Variants in SLCO3A1 observed in about 807,000 individuals in gnomAD.
The protein encoded by SLCO3A1 is PGE1 transporter.
A neutral mutation model predicts 63.1 loss-of-function variants in SLCO3A1; 27 were observed. That is an observed-to-expected ratio of 0.43 (90% CI 0.32 to 0.59). The LOEUF is 0.59. Among genes scored for constraint, SLCO3A1 ranks in the 20% least tolerant of loss-of-function variants. The probability of loss-of-function intolerance (pLI) is 0.09; values close to 1 mark genes in which losing one functional copy is unlikely to be tolerated. For synonymous variants in SLCO3A1, 473 were observed against 409.9 expected, an observed-to-expected ratio of 1.15 and a Z score of -1.86; for missense variants, 773 against 945.8, an observed-to-expected ratio of 0.82 and a Z score of 2.40.
At chr15:92,074,785 G>C (rs549915991) in intron 2 of SLCO3A1, among the ~76,000 whole-genome samples, 3 of 151,624 alleles carry the variant, frequency 2.0e-5, no homozygotes, top group East Asian at 1.9e-4. Flanking sequence ...GGGCGGTGGG[G>C]GGTGGCCAGG....
At chr15:92,166,097 A>T (rs573223962), downstream of SLCO3A1, among the ~76,000 whole-genome samples, 9 of 152,220 alleles carry the variant, frequency 5.9e-5, no homozygotes, top group African/African-American at 2.2e-4. Context: ...ATTCCCTCCT[A>T]TGAAGTAAGC....
At chr15:92,166,965 T>C (rs1272668710), downstream of SLCO3A1, among the ~76,000 whole-genome samples, 1 of 152,164 alleles carries the variant, frequency 6.6e-6, no homozygotes. Flanking sequence ...TACTCAGCAG[T>C]GGCAAGCTAT....
chr15:92,171,607 G>A lies in SLCO3A1; in HGVS notation c.1997-173G>A, dbSNP rs1417085346. On this transcript the variant is annotated intron_variant, in intron 10 of 10. Coordinates refer to the SLCO3A1 transcript ENST00000424469. ...AAAAAAGTCTCTGGGCTCAGAGTCT[G>A]GTCCCTTGGGGTTACATGGAATGAA... The A allele has an allele frequency of 5.2e-6, 3 of 575,964 alleles. No individual in the cohort carries two copies. The Admixed American group carries it at 9.0e-5, about 17-fold the overall frequency. The allele number at this position is 575,964 out of a possible 1,614,324, so 35.7% of individuals were successfully genotyped here. A position where few individuals can be genotyped will look rare whatever the true frequency, so the allele number is the denominator to read the frequency against.
intron 2 of SLCO3A1, among the ~76,000 whole-genome samples, chr15:91,940,846 G>C (rs1899595733): frequency 6.6e-6 from 1 of 152,152 alleles, no homozygotes; most frequent in African/African-American, 2.4e-5. Flanking sequence ...CTGCCTCTCT[G>C]AGCAAGGTGT....
At chr15:91,877,138 T>C (rs751608717) in intron 1 of SLCO3A1, among the ~76,000 whole-genome samples, 5 of 152,236 alleles carry the variant, frequency 3.3e-5, no homozygotes, top group Non-Finnish European at 7.3e-5. Context: ...ATCTGAGGCA[T>C]TAAATTGAAT....
chr15:92,099,922 C>T (rs192820856), intron 3 of SLCO3A1, among the ~76,000 whole-genome samples: 57 of 151,978 alleles, frequency 3.8e-4, no homozygotes, highest in Admixed American at 2.0e-3. Flanking sequence ...AAAAATTAGC[C>T]GGGCGTGTTG....
intron 2 of SLCO3A1, among the ~76,000 whole-genome samples, chr15:91,927,162 C>T (rs1452920528): frequency 6.6e-6 from 1 of 152,110 alleles, no homozygotes; most frequent in Non-Finnish European, 1.5e-5. Context: ...CCCCTCGGCC[C>T]TCCACTCCCC....
chr15:91,988,703 T>G (rs2046087050), intron 2 of SLCO3A1, among the ~76,000 whole-genome samples: 1 of 152,160 alleles, frequency 6.6e-6, no homozygotes, highest in African/African-American at 2.4e-5. Context: ...CCTGAAAATT[T>G]GCAGTCCTAA....
intron 1 of SLCO3A1, among the ~76,000 whole-genome samples, chr15:91,857,468 G>T (rs4129510): frequency 0.062 from 9,509 of 152,208 alleles, 970 homozygotes; most frequent in African/African-American, 0.21. Flanking sequence ...AAGAGGAGAG[G>T]CCTGCTCGGT....
chr15:92,014,570 A>C (rs1321786114), intron 2 of SLCO3A1, among the ~76,000 whole-genome samples: 1 of 152,140 alleles, frequency 6.6e-6, no homozygotes, highest in Non-Finnish European at 1.5e-5. Flanking sequence ...CAGTGGGAAA[A>C]TGGAAACCTG....
rs182306356 is a variant in SLCO3A1, at chr15:92,121,385, A to G, written c.1174+756A>G. On this transcript the variant is annotated intron_variant, in intron 5 of 9. Coordinates refer to ENST00000318445, the MANE Select transcript of SLCO3A1 (RefSeq NM_013272.4). ...GCAACAGACATAGCAGTCAAACAAGAGGGAAGAATCAACAATGGCTCTCAG... is the reference window on the plus strand; with the variant it reads ...GCAACAGACATAGCAGTCAAACAAGGGGGAAGAATCAACAATGGCTCTCAG... 8.9e-4 allele frequency among the ~76,000 whole-genome samples: 136 copies of G among 152,330 alleles called. 1 individual carries two copies. The highest frequency in any genetic ancestry group is 3.0e-3 in the African/African-American group (123 of 41,574).
Position 91,931,473 on chromosome 15 carries a change from C to CTT in SLCO3A1, c.646+15029_646+15030dup, listed in dbSNP as rs36006689. On this transcript the variant is annotated intron_variant, in intron 2 of 9. Transcript: ENST00000318445. ...CCCTGCTTCTTCTGCTGGGTTGTAT[C>CTT]TTTTTTTTTTTTTTTGAGACAGAGT... 1.0e-3 allele frequency among the ~76,000 whole-genome samples: 145 copies of CTT among 142,758 alleles called. 1 individual carries two copies. Among genetic ancestry groups the CTT allele is most frequent in the African/African-American group, 3.6e-3 (142 of 39,038 alleles). The allele number at this position is 142,758 out of a possible 152,430, so 93.7% of individuals were successfully genotyped here.
At chr15:92,111,681 C>T (rs1445232633) in intron 4 of SLCO3A1, among the ~76,000 whole-genome samples, 1 of 152,190 alleles carries the variant, frequency 6.6e-6, no homozygotes, top group Non-Finnish European at 1.5e-5. Flanking sequence ...AGCTGCACTT[C>T]TCAAGTTATT....
At chr15:91,977,890 G>A (rs991999166) in intron 2 of SLCO3A1, among the ~76,000 whole-genome samples, 4 of 152,116 alleles carry the variant, frequency 2.6e-5, no homozygotes, top group Admixed American at 1.3e-4. Context: ...ATCCTCCCAG[G>A]AAACTCTGAA....
intron 2 of SLCO3A1, among the ~76,000 whole-genome samples, chr15:91,989,645 T>C (rs1451549168): frequency 6.6e-6 from 1 of 152,240 alleles, no homozygotes; most frequent in Non-Finnish European, 1.5e-5. Flanking sequence ...CTCGTTGCTC[T>C]GCATCACAGG....
At chr15:92,106,968 G>A (rs553646297) in intron 4 of SLCO3A1, among the ~76,000 whole-genome samples, 8 of 152,214 alleles carry the variant, frequency 5.3e-5, no homozygotes, top group South Asian at 4.2e-4. Context: ...GACCCTACTC[G>A]GTGCTAAGCA....
At chr15:92,067,267 G>T (rs2047163042) in intron 2 of SLCO3A1, among the ~76,000 whole-genome samples, 1 of 152,156 alleles carries the variant, frequency 6.6e-6, no homozygotes, top group Non-Finnish European at 1.5e-5. Context: ...GAAGGGAGAT[G>T]GATTCCTAGT....
At chr15:92,094,013 T>A (rs1314229310) in intron 2 of SLCO3A1, among the ~76,000 whole-genome samples, 1 of 152,214 alleles carries the variant, frequency 6.6e-6, no homozygotes, top group East Asian at 1.9e-4. Context: ...CTTTCTGGAC[T>A]CTTATTTTTG....
At chr15:92,076,046 C>T (rs1377043359) in intron 2 of SLCO3A1, among the ~76,000 whole-genome samples, 4 of 152,222 alleles carry the variant, frequency 2.6e-5, no homozygotes, top group Non-Finnish European at 4.4e-5. Context: ...GCTTGCAGAA[C>T]ACATAAATCC....
Sources: gnomAD v4.1 joint callset for allele counts (sites outside exome capture counted in the v4.1 genomes callset) on GRCh38, gnomAD v4.1.1 for gene constraint, MANE v1.5 for transcripts, NCBI Gene and HGNC (gene_info 2026-07-23, HGNC 2026-07-21) for gene names.